RNF135: variants seen among roughly 807,000 people sequenced by gnomAD.
RNF135 encodes E3 ubiquitin-protein ligase RNF135.
A neutral mutation model predicts 41.9 loss-of-function variants in RNF135; 46 were observed. The observed-to-expected ratio is 1.10, with a 90% CI of 0.87 to 1.40. The LOEUF is 1.40. Among genes scored for constraint, RNF135 ranks in the 40% most tolerant of loss-of-function variants. The pLI, the probability that RNF135 is intolerant of heterozygous loss-of-function variation, is 0.00. For synonymous variants in RNF135, 238 were observed against 223.8 expected (o/e 1.06, Z -0.57); for missense variants, 539 against 549.8 (o/e 0.98, Z 0.20).
chr17:30,998,584 G>C (rs1908524895), intron 4 of RNF135, 78 bp from the exon 5 acceptor site: 1 of 1,375,840 alleles, frequency 7.3e-7, no homozygotes, highest in Non-Finnish European at 1.0e-6. Flanking sequence ...ATACAAAGTT[G>C]CTATTTGAAG....
At chr17:30,994,213 C>T (rs1003535704) in intron 3 of RNF135, among the ~76,000 whole-genome samples, 1 of 152,146 alleles carries the variant, frequency 6.6e-6, no homozygotes, top group Non-Finnish European at 1.5e-5. Context: ...AGTGAAAATA[C>T]ATACAACATA....
At chr17:30,985,617 A>T (rs1907527193) in intron 2 of RNF135, among the ~76,000 whole-genome samples, 1 of 152,058 alleles carries the variant, frequency 6.6e-6, no homozygotes. Flanking sequence ...TGATAATTTC[A>T]TGTCTGGATT....
intron 1 of RNF135, among the ~76,000 whole-genome samples, chr17:30,976,626 G>T (rs1204200095): frequency 1.3e-5 from 2 of 152,002 alleles, no homozygotes; most frequent in Non-Finnish European, 2.9e-5. Flanking sequence ...TACATGTCTG[G>T]GTGCTTTAGT....
At position 30,971,043 on chromosome 17, in the gene RNF135, C is replaced by T. The variant is rs1316331697; in HGVS notation, c.-31C>T. On this transcript the variant is annotated 5_prime_UTR_variant, in exon 1 of 5. Coordinates refer to ENST00000328381, the MANE Select transcript of RNF135 (RefSeq NM_032322.4). ...CTGAGGAGACTCGCCCGGCTCAACCCCGACGTCCGCGCCCCGGCCGCCTGT... is the reference window on the plus strand; with the variant it reads ...CTGAGGAGACTCGCCCGGCTCAACCTCGACGTCCGCGCCCCGGCCGCCTGT... 3 of 1,533,450 alleles carry T rather than the reference C, an allele frequency of 2.0e-6. No individual in the cohort carries two copies. Among genetic ancestry groups the T allele is most frequent in the Admixed American group, 3.9e-5 (2 of 50,912 alleles). The allele number at this position is 1,533,450 out of a possible 1,614,324, so 95.0% of individuals were successfully genotyped here. A position where few individuals can be genotyped will look rare whatever the true frequency, so the allele number is the denominator to read the frequency against.
chr17:30,971,183 G>A lies in RNF135; in HGVS notation c.110G>A (p.Gly37Asp), dbSNP rs1013591320. 4 of 1,526,260 alleles carry A rather than the reference G, an allele frequency of 2.6e-6. No individual in the cohort carries two copies. The highest frequency in any genetic ancestry group is 3.5e-6 in the Non-Finnish European group (4 of 1,143,174). 94.5% of individuals were successfully genotyped at this position (1,526,260 alleles called of 1,614,324 possible). The change falls in exon 1 of 5, where the codon GGC (glycine) becomes GAC (aspartate). Residue 37 changes from glycine (G) to aspartate (D), a missense_variant. Physicochemically the swap from Gly to Asp is moderately conservative, Grantham distance 94 (BLOSUM62 -1). Transcript: ENST00000328381. ...GACTGGCCCGCCACGCTGCCCTGCG[G>A]CCACAGCTTCTGCCGCCACTGCCTG... ...LLDWPATLPC[G>D]HSFCRHCLEA...
intron 1 of RNF135, among the ~76,000 whole-genome samples, chr17:30,973,499 G>A (rs1271300470): frequency 6.7e-6 from 1 of 149,664 alleles, no homozygotes; most frequent in Non-Finnish European, 1.5e-5. Context: ...ACGAGGTCTC[G>A]CTCCTTTCCC....
upstream of RNF135, chr17:30,970,191 C>CTT (rs113082886): frequency 2.1e-5 from 3 of 144,326 alleles, no homozygotes; most frequent in Non-Finnish European, 1.5e-5. Context: ...TCTTTTTTCT[C>CTT]TTTTTTTTTT....
chr17:30,998,281 G>A (rs1044754188), intron 4 of RNF135, among the ~76,000 whole-genome samples: 5 of 152,204 alleles, frequency 3.3e-5, no homozygotes, highest in African/African-American at 1.2e-4. Context: ...GCTCATGCCT[G>A]TAATTGCAGC....
At chr17:30,984,126 T>C (rs1907419096) in intron 1 of RNF135, among the ~76,000 whole-genome samples, 1 of 152,230 alleles carries the variant, frequency 6.6e-6, no homozygotes, top group Non-Finnish European at 1.5e-5. Context: ...TGTTCGTGTC[T>C]TTTGATGCAC....
chr17:30,971,490 C>T (rs1290457073), intron 1 of RNF135, 45 bp downstream of exon 1: 1 of 1,450,810 alleles, frequency 6.9e-7, no homozygotes, highest in South Asian at 1.4e-5. Flanking sequence ...CCCGGGCTGC[C>T]CGCCGCCTGA....
At chr17:30,985,935 C>T (rs1907549965) in intron 2 of RNF135, among the ~76,000 whole-genome samples, 1 of 152,190 alleles carries the variant, frequency 6.6e-6, no homozygotes, top group Non-Finnish European at 1.5e-5. Flanking sequence ...GGGCACCCTT[C>T]ATGGAATGCT....
chr17:30,998,920 C>A lies in RNF135; in HGVS notation c.1028C>A (p.Thr343Asn), dbSNP rs1304761610. The A allele has an allele frequency of 6.2e-7, 1 of 1,613,364 alleles. No homozygotes were observed. Among genetic ancestry groups the A allele is most frequent in the Admixed American group, 1.7e-5 (1 of 59,942 alleles). Reference protein sequence around the residue: ...EMSRDQVLGRTMDSCCVEWKG... With the variant: ...EMSRDQVLGRNMDSCCVEWKG... The stretch of plus-strand genomic sequence containing the variant: ...AGCCGCGACCAGGTCCTGGGAAGGA[C>A]TATGGACTCTTGTTGTGTGGAATGG... The change falls in exon 5 of 5, where the codon ACT (threonine) becomes AAT (asparagine). Residue 343 changes from threonine to asparagine, a missense_variant. By Grantham distance (65) the Thr-to-Asn change is moderately conservative (BLOSUM62 0). Coordinates refer to ENST00000328381, the MANE Select transcript of RNF135 (RefSeq NM_032322.4).
chr17:30,961,951 C>T, the RNF135 span, among the ~76,000 whole-genome samples: 1 of 152,154 alleles, frequency 6.6e-6, no homozygotes, highest in East Asian at 1.9e-4. Context: ...AGTAACTCCT[C>T]TTTCCACTTC....
chr17:30,971,151 G>T lies in RNF135; in HGVS notation c.78G>T (p.Gly26=). ...ACCTCGGCTGCATCATCTGCCAGGGGCTGCTGGACTGGCCCGCCACGCTGC... is the reference window on the plus strand; with the variant it reads ...ACCTCGGCTGCATCATCTGCCAGGGTCTGCTGGACTGGCCCGCCACGCTGC... ...EDDLGCIICQ[G]LLDWPATLPC... The change falls in exon 1 of 5, where the codon GGG becomes GGT. Residue 26 remains glycine, a synonymous_variant. Coordinates refer to ENST00000328381, the MANE Select transcript of RNF135 (RefSeq NM_032322.4). 1 of 1,533,444 alleles carries T rather than the reference G, an allele frequency of 6.5e-7. No homozygotes were observed. The highest frequency in any genetic ancestry group is 8.7e-7 in the Non-Finnish European group (1 of 1,145,748). The allele number at this position is 1,533,444 out of a possible 1,614,324, so 95.0% of individuals were successfully genotyped here. A position where few individuals can be genotyped will look rare whatever the true frequency, so the allele number is the denominator to read the frequency against.
At chr17:30,991,479 C>T (rs558420373) in intron 3 of RNF135, among the ~76,000 whole-genome samples, 8 of 150,856 alleles carry the variant, frequency 5.3e-5, no homozygotes, top group African/African-American at 9.7e-5. Context: ...TGCAGTGGCC[C>T]GATCTCGGCA....
intron 1 of RNF135, chr17:30,972,332 C>G (rs2142655167): frequency 6.6e-6 from 1 of 152,116 alleles, no homozygotes; most frequent in East Asian, 1.9e-4. Flanking sequence ...CCAGGATGGT[C>G]TCGATCTTCT....
At chr17:30,991,284 A>G (rs1333290887) in intron 3 of RNF135, among the ~76,000 whole-genome samples, 1 of 150,706 alleles carries the variant, frequency 6.6e-6, no homozygotes, top group Non-Finnish European at 1.5e-5. Context: ...AATTGCTTGA[A>G]CCCGGGAGGC....
chr17:30,963,710 T>C, the RNF135 span, among the ~76,000 whole-genome samples: 1 of 152,206 alleles, frequency 6.6e-6, no homozygotes, highest in Non-Finnish European at 1.5e-5. Flanking sequence ...TCTGTAAGAG[T>C]GTCAGTGAAG....
intron 3 of RNF135, among the ~76,000 whole-genome samples, chr17:30,993,197 A>T (rs1908109012): frequency 6.6e-6 from 1 of 151,872 alleles, no homozygotes; most frequent in Non-Finnish European, 1.5e-5. Flanking sequence ...AGTAGCTGGG[A>T]TTATAGGCTC....
Sources: allele counts gnomAD v4.1 joint callset (sites outside exome capture counted in the v4.1 genomes callset), GRCh38; gene constraint gnomAD v4.1.1; transcripts MANE v1.5; gene names NCBI Gene and HGNC (gene_info 2026-07-23, HGNC 2026-07-21).